PSD3: variants seen among roughly 807,000 people sequenced by gnomAD.
PSD3 encodes the protein pleckstrin and Sec7 domain containing 3, also known as PH and SEC7 domain-containing protein 3.
PSD3 carries 49 observed loss-of-function variants against 105.5 expected under a neutral mutation model. The observed-to-expected ratio is 0.46, with a 90% CI of 0.37 to 0.59. The LOEUF (loss-of-function observed/expected upper bound fraction) is 0.59, where lower values mean the gene tolerates loss of function less well. Ranked by LOEUF, PSD3 falls within the 20% of genes least tolerant of loss-of-function variation. The probability of loss-of-function intolerance (pLI) is 0.00; values close to 1 mark genes in which losing one functional copy is unlikely to be tolerated. For synonymous variants in PSD3, 557 were observed against 457.8 expected (o/e 1.22, Z -2.77); for missense variants, 1,561 against 1,263.8 (o/e 1.24, Z -3.57).
chr8:18,707,192 A>G (rs935351353), intron 9 of PSD3, among the ~76,000 whole-genome samples: 2 of 151,986 alleles, frequency 1.3e-5, no homozygotes, highest in African/African-American at 4.8e-5. Context: ...ATCCTTCAAA[A>G]ACGCCTCAAA....
chr8:18,749,897 C>T (rs1335388756), intron 9 of PSD3, among the ~76,000 whole-genome samples: 1 of 152,148 alleles, frequency 6.6e-6, no homozygotes, highest in African/African-American at 2.4e-5. Context: ...TTAATCCTTC[C>T]AACAAGCTTA....
chr8:18,570,799 A>C (rs1252613077), intron 14 of PSD3, among the ~76,000 whole-genome samples: 1 of 151,744 alleles, frequency 6.6e-6, no homozygotes, highest in Non-Finnish European at 1.5e-5. Context: ...AATGAGAATA[A>C]TTTTTAAAGC....
rs557721782 is a variant in PSD3, at chr8:18,613,826, A to G, written c.2411-13392T>C. 5.3e-5 allele frequency among the ~76,000 whole-genome samples: 8 copies of G among 152,304 alleles called. No homozygotes were observed. The South Asian group carries it at 1.7e-3, about 32-fold the overall frequency. On this transcript the variant is annotated intron_variant, in intron 11 of 15. Transcript: ENST00000327040. ...AATCTTTGAAGTGCACCTAACCACCACAACCATGATATCCTGAAAAACAGC... is the reference window on the plus strand; with the variant it reads ...AATCTTTGAAGTGCACCTAACCACCGCAACCATGATATCCTGAAAAACAGC...
At chr8:18,708,858 G>A (rs1466828555) in intron 9 of PSD3, among the ~76,000 whole-genome samples, 1 of 151,968 alleles carries the variant, frequency 6.6e-6, no homozygotes, top group African/African-American at 2.4e-5. Context: ...TAGAACAATG[G>A]CCAACCTGAG....
chr8:19,033,651 C>G (rs565317050), intron 1 of PSD3, among the ~76,000 whole-genome samples: 10 of 151,618 alleles, frequency 6.6e-5, no homozygotes, highest in Non-Finnish European at 1.5e-4. Flanking sequence ...CCTTGGCTCT[C>G]TCTCAGCTTT....
intron 12 of PSD3, among the ~76,000 whole-genome samples, chr8:18,589,747 G>C (rs751148649): frequency 6.6e-6 from 1 of 152,176 alleles, no homozygotes; most frequent in Non-Finnish European, 1.5e-5. Context: ...GGAGATGGGC[G>C]AGGAGGCGAG....
intron 8 of PSD3, 113 bp from the exon 9 acceptor site, chr8:18,765,651 GT>G (rs1806919388): frequency 1.1e-6 from 1 of 930,454 alleles, no homozygotes; most frequent in Non-Finnish European, 1.7e-6. Flanking sequence ...ACTAGGCCAG[GT>G]GCGGTGGCTC....
intron 9 of PSD3, among the ~76,000 whole-genome samples, chr8:18,716,215 C>T (rs559000726): frequency 1.3e-5 from 2 of 152,258 alleles, no homozygotes; most frequent in South Asian, 4.1e-4. Context: ...TGAATGTCTA[C>T]GAAACACGCC....
intron 2 of PSD3, among the ~76,000 whole-genome samples, chr8:18,905,203 C>A (rs1389847658): frequency 6.6e-6 from 1 of 152,160 alleles, no homozygotes; most frequent in East Asian, 1.9e-4. Flanking sequence ...TACATGATCA[C>A]CTCTGCACTT....
At chr8:18,621,359 C>T (rs1389468060) in intron 11 of PSD3, among the ~76,000 whole-genome samples, 1 of 152,140 alleles carries the variant, frequency 6.6e-6, no homozygotes, top group African/African-American at 2.4e-5. Flanking sequence ...AGTGAGCTGA[C>T]ATCGTGCCAC....
intron 12 of PSD3, among the ~76,000 whole-genome samples, chr8:18,575,511 A>T (rs1408698174): frequency 1.3e-5 from 2 of 152,302 alleles, no homozygotes; most frequent in African/African-American, 2.4e-5. Flanking sequence ...GCATTTTTTT[A>T]AAAATCAGTT....
intron 4 of PSD3, among the ~76,000 whole-genome samples, 195 bp downstream of exon 4, chr8:18,867,479 C>T (rs1043641071): frequency 6.6e-6 from 1 of 152,186 alleles, no homozygotes; most frequent in Non-Finnish European, 1.5e-5. Context: ...AAAATGATCA[C>T]AGTGTGCCAA....
intron 9 of PSD3, among the ~76,000 whole-genome samples, chr8:18,660,348 T>G (rs9693275): frequency 1.3e-5 from 2 of 152,070 alleles, no homozygotes; most frequent in East Asian, 1.9e-4. Context: ...AAAAGCCCTG[T>G]TGACCTCTTG....
At chr8:18,998,506 T>C (rs1586603575) in intron 1 of PSD3, among the ~76,000 whole-genome samples, 1 of 151,898 alleles carries the variant, frequency 6.6e-6, no homozygotes, top group East Asian at 1.9e-4. Flanking sequence ...GCTAACACGG[T>C]GAAACCCCGT....
chr8:19,084,694 C>A (rs748464423), exon 1 of PSD3: 5 of 339,066 alleles, frequency 1.5e-5, no homozygotes, highest in East Asian at 7.7e-5. Context: ...TCCTTTGGAG[C>A]AGAGCAAGTG....
chr8:18,941,665 C>CTT (rs869259596), intron 1 of PSD3, among the ~76,000 whole-genome samples: 3,303 of 107,674 alleles, frequency 0.031, 314 homozygotes, highest in African/African-American at 0.11. Context: ...TGTAGAATGA[C>CTT]TTTTTTTTTT....
At chr8:18,935,125 C>T (rs1822022654) in intron 2 of PSD3, among the ~76,000 whole-genome samples, 1 of 152,024 alleles carries the variant, frequency 6.6e-6, no homozygotes, top group Admixed American at 6.6e-5. Context: ...TAGTGCCTCA[C>T]CACACAGTAA....
At chr8:19,057,049 C>G (rs551767367) in intron 1 of PSD3, among the ~76,000 whole-genome samples, 1 of 152,108 alleles carries the variant, frequency 6.6e-6, no homozygotes, top group Non-Finnish European at 1.5e-5. Flanking sequence ...GCTCTTGATG[C>G]TACTTCATCT....
intron 9 of PSD3, among the ~76,000 whole-genome samples, chr8:18,690,053 A>AT (rs1470611562): frequency 2.6e-5 from 4 of 152,140 alleles, no homozygotes; most frequent in Non-Finnish European, 5.9e-5. Context: ...CCACGAACAC[A>AT]TATCTCTTCA....
Sources: gnomAD v4.1 joint callset for allele counts (sites outside exome capture counted in the v4.1 genomes callset) on GRCh38, gnomAD v4.1.1 for gene constraint, MANE v1.5 for transcripts, NCBI Gene and HGNC (gene_info 2026-07-23, HGNC 2026-07-21) for gene names.